Variants in NRG1 observed in about 807,000 individuals in gnomAD.
NRG1 encodes the protein pro-neuregulin-1, membrane-bound isoform.
A neutral mutation model predicts 63.8 loss-of-function variants in NRG1; 18 were observed. The ratio of observed to expected loss-of-function variants is 0.28; its 90% CI spans 0.19 to 0.42. The LOEUF (loss-of-function observed/expected upper bound fraction) is 0.42, where lower values mean the gene tolerates loss of function less well. Among genes scored for constraint, NRG1 ranks in the 10% least tolerant of loss-of-function variants. NRG1 has a pLI of 1.00. For synonymous variants in NRG1, 302 were observed against 301.3 expected (o/e 1.00, Z -0.02); for missense variants, 762 against 814.7 (o/e 0.94, Z 0.79).
chr8:31,790,434 A>C (rs1295155287), intron 1 of NRG1, among the ~76,000 whole-genome samples: 1 of 152,178 alleles, frequency 6.6e-6, no homozygotes, highest in African/African-American at 2.4e-5. Flanking sequence ...TATAATAATA[A>C]TCTTGGTGCT....
intron 1 of NRG1, among the ~76,000 whole-genome samples, chr8:31,661,754 G>A (rs1012172555): frequency 1.6e-4 from 25 of 152,194 alleles, no homozygotes; most frequent in Admixed American, 1.2e-3. Context: ...TCAACAAAAT[G>A]TTAAAAGTCA....
At chr8:32,578,089 G>C (rs962705627) in intron 1 of NRG1, among the ~76,000 whole-genome samples, 2 of 152,040 alleles carry the variant, frequency 1.3e-5, no homozygotes, top group Admixed American at 1.3e-4. Context: ...CTCCCTCCCA[G>C]GTTCAAGCGA....
intron 1 of NRG1, among the ~76,000 whole-genome samples, chr8:32,397,148 A>C (rs1406490815): frequency 1.3e-5 from 2 of 152,174 alleles, no homozygotes; most frequent in African/African-American, 4.8e-5. Flanking sequence ...AGATAGATAC[A>C]TAGATAGATA....
intron 1 of NRG1, among the ~76,000 whole-genome samples, chr8:32,531,532 A>T (rs1410591934): frequency 6.6e-6 from 1 of 152,196 alleles, no homozygotes; most frequent in Non-Finnish European, 1.5e-5. Flanking sequence ...AATAAAAGAA[A>T]AATCTTAAAA....
chr8:32,192,847 A>G (rs1842623908), intron 1 of NRG1, among the ~76,000 whole-genome samples: 1 of 152,070 alleles, frequency 6.6e-6, no homozygotes, highest in Non-Finnish European at 1.5e-5. Context: ...TACACACATA[A>G]ACTCACACAC....
chr8:32,442,747 A>ATGGCTTTT (rs1445578654), intron 1 of NRG1: 1 of 152,222 alleles, frequency 6.6e-6, no homozygotes, highest in African/African-American at 2.4e-5. Flanking sequence ...CATGCCATTA[A>ATGGCTTTT]AAGCAGCTTC....
At chr8:32,568,388 T>A (rs1467536537) in intron 1 of NRG1, among the ~76,000 whole-genome samples, 1 of 152,216 alleles carries the variant, frequency 6.6e-6, no homozygotes. Context: ...GTTCTTTAAG[T>A]TAAATTTAGG....
At chr8:32,090,041 T>G (rs541509709) in intron 1 of NRG1, among the ~76,000 whole-genome samples, 1 of 152,330 alleles carries the variant, frequency 6.6e-6, no homozygotes, top group African/African-American at 2.4e-5. Flanking sequence ...ATGAGGAAGC[T>G]CTTGTATATT....
chr8:32,403,520 A>T (rs1813521400), intron 1 of NRG1, among the ~76,000 whole-genome samples: 1 of 152,152 alleles, frequency 6.6e-6, no homozygotes, highest in African/African-American at 2.4e-5. Flanking sequence ...TTATAAGATA[A>T]AAGAGCTTAT....
In NRG1 at chr8:32,302,363, GCATATGGTCC is replaced by G. The variant is rs1855672875; in HGVS notation, c.38-293464_38-293455del. The stretch of plus-strand genomic sequence containing the variant: ...AGCCCTGAGCCCCAGTCTGTGAGGT[GCATATGGTCC>G]TAGCTAATAGGTCAGTGGGAAAAGG... On this transcript the variant is annotated intron_variant, in intron 1 of 10. Transcript: ENST00000519301. Among the ~76,000 whole-genome samples, 5 of 152,314 alleles carry G rather than the reference GCATATGGTCC, an allele frequency of 3.3e-5. No individual in the cohort carries two copies. In the South Asian group the frequency reaches 1.0e-3, roughly 32 times the overall value.
intron 1 of NRG1, among the ~76,000 whole-genome samples, chr8:31,938,612 A>G (rs747955988): frequency 6.6e-6 from 1 of 152,210 alleles, no homozygotes; most frequent in African/African-American, 2.4e-5. Flanking sequence ...TAAGCTCATC[A>G]AGGAGGCACC....
chr8:32,536,126 C>G (rs187554335), intron 1 of NRG1, among the ~76,000 whole-genome samples: 1 of 152,176 alleles, frequency 6.6e-6, no homozygotes. Context: ...CTTTGTAGGT[C>G]AGAAGTCTGA....
chr8:31,807,838 ATTTG>A (rs987294512), intron 1 of NRG1, among the ~76,000 whole-genome samples: 8 of 152,038 alleles, frequency 5.3e-5, no homozygotes, highest in African/African-American at 1.9e-4. Flanking sequence ...ATTATGCAGT[ATTTG>A]TTTTTCTGTG....
intron 1 of NRG1, among the ~76,000 whole-genome samples, chr8:32,270,733 G>T (rs1851455581): frequency 6.6e-6 from 1 of 152,122 alleles, no homozygotes; most frequent in South Asian, 2.1e-4. Flanking sequence ...CTCATATTCA[G>T]TGACCTCACA....
chr8:31,694,086 AC>A, intron 1 of NRG1, among the ~76,000 whole-genome samples: 1 of 152,248 alleles, frequency 6.6e-6, no homozygotes, highest in South Asian at 2.1e-4. Flanking sequence ...CAAGGGACCC[AC>A]CCACCTCAGC....
chr8:31,705,798 A>C (rs73672714), intron 1 of NRG1, among the ~76,000 whole-genome samples: 5 of 152,190 alleles, frequency 3.3e-5, no homozygotes, highest in African/African-American at 1.2e-4. Context: ...TTAATATTCT[A>C]TGCTTTCAGA....
intron 1 of NRG1, chr8:31,639,525 G>C: frequency 6.7e-7 from 1 of 1,497,328 alleles, no homozygotes; most frequent in Non-Finnish European, 8.9e-7. Flanking sequence ...TCTCTCCCTC[G>C]CGCTCTCTCC....
chr8:32,180,488 G>C (rs1345986056), intron 1 of NRG1, among the ~76,000 whole-genome samples: 5 of 152,080 alleles, frequency 3.3e-5, no homozygotes, highest in Non-Finnish European at 7.4e-5. Flanking sequence ...AGTAATAAAT[G>C]AACTTCTTTA....
intron 1 of NRG1, among the ~76,000 whole-genome samples, chr8:32,330,795 G>A (rs1802548442): frequency 6.6e-6 from 1 of 152,190 alleles, no homozygotes; most frequent in South Asian, 2.1e-4. Context: ...GGCACTCACT[G>A]CCATATTCAC....
Sources: allele counts gnomAD v4.1 joint callset (sites outside exome capture counted in the v4.1 genomes callset), GRCh38; gene constraint gnomAD v4.1.1; transcripts MANE v1.5; gene names NCBI Gene and HGNC (gene_info 2026-07-23, HGNC 2026-07-21).